Variants in RALYL observed in about 807,000 individuals in gnomAD.
RALYL encodes the protein RALY RNA binding protein like, also known as RNA-binding Raly-like protein.
In RALYL, 29 loss-of-function variants were observed where a neutral mutation model predicts 35.1. The observed-to-expected ratio is 0.83, with a 90% CI of 0.61 to 1.13. The LOEUF (loss-of-function observed/expected upper bound fraction) is 1.13. Ranked by LOEUF, RALYL falls within the 50% of genes most tolerant of loss-of-function variation. The pLI, the probability that RALYL is intolerant of heterozygous loss-of-function variation, is 0.00. For synonymous variants in RALYL, 120 were observed against 127.6 expected, an observed-to-expected ratio of 0.94 and a Z score of 0.40; for missense variants, 359 against 360.4, an observed-to-expected ratio of 1.00 and a Z score of 0.03.
intron 4 of RALYL, among the ~76,000 whole-genome samples, chr8:84,805,107 C>A (rs895796993): frequency 6.6e-6 from 1 of 152,132 alleles, no homozygotes; most frequent in Non-Finnish European, 1.5e-5. Flanking sequence ...TTTAAAAATT[C>A]CTCTGAGCCA....
At chr8:84,793,304 G>A (rs115880022) in intron 3 of RALYL, among the ~76,000 whole-genome samples, 3,746 of 152,244 alleles carry the variant, frequency 0.025, 64 homozygotes, top group Middle Eastern at 0.058. Flanking sequence ...TGACTGGGAG[G>A]AAGCAACTAG....
intron 3 of RALYL, among the ~76,000 whole-genome samples, chr8:84,791,507 C>G (rs1349084240): frequency 6.6e-6 from 1 of 152,132 alleles, no homozygotes. Context: ...AGGTTTTAAG[C>G]AGAAGAGTAC....
chr8:84,225,148 C>G (rs1049975050), intron 1 of RALYL, among the ~76,000 whole-genome samples: 1 of 152,156 alleles, frequency 6.6e-6, no homozygotes, highest in African/African-American at 2.4e-5. Context: ...TTGCCTTGCT[C>G]TTATTTTCTG....
intron 1 of RALYL, among the ~76,000 whole-genome samples, chr8:84,502,127 T>C (rs1399695970): frequency 3.9e-5 from 6 of 152,014 alleles, no homozygotes; most frequent in African/African-American, 1.2e-4. Flanking sequence ...GTTATATTTC[T>C]ATATGCTATT....
chr8:84,554,101 A>G (rs1366927219), intron 2 of RALYL, among the ~76,000 whole-genome samples: 1 of 152,198 alleles, frequency 6.6e-6, no homozygotes, highest in African/African-American at 2.4e-5. Context: ...TTCTTTTAGA[A>G]ACTTGATTGT....
At chr8:84,326,491 T>C (rs1408595024) in intron 1 of RALYL, among the ~76,000 whole-genome samples, 2 of 152,174 alleles carry the variant, frequency 1.3e-5, no homozygotes, top group African/African-American at 2.4e-5. Context: ...CTACAATGGG[T>C]AGACAGTTGA....
intron 1 of RALYL, among the ~76,000 whole-genome samples, chr8:84,339,023 C>G (rs1848311017): frequency 6.6e-6 from 1 of 151,956 alleles, no homozygotes; most frequent in East Asian, 1.9e-4. Context: ...CAAATACGAA[C>G]AAGTCACCAA....
chr8:84,350,858 C>T (rs1850753342), intron 1 of RALYL, among the ~76,000 whole-genome samples: 2 of 149,798 alleles, frequency 1.3e-5, no homozygotes, highest in African/African-American at 2.5e-5. Context: ...TTCTATGCTC[C>T]GAAGAGCTTT....
intron 4 of RALYL, among the ~76,000 whole-genome samples, chr8:84,838,785 C>T (rs758959753): frequency 1.3e-5 from 2 of 152,236 alleles, no homozygotes; most frequent in Middle Eastern, 6.8e-3. Flanking sequence ...TTTAAATTCC[C>T]AGAAGGCTTT....
rs559401538 is a variant in RALYL, at chr8:84,715,097, C to A, written c.257-59482C>A. 1.5e-3 allele frequency among the ~76,000 whole-genome samples: 223 copies of A among 151,882 alleles called. 1 individual carries two copies. Among genetic ancestry groups the A allele is most frequent in the African/African-American group, 5.1e-3 (211 of 41,484 alleles). On this transcript the variant is annotated intron_variant, in intron 2 of 8. Transcript: ENST00000521268. ...CTAAACTTACAATGTTTATTATAAG[C>A]ATTTGAATTCTAATTTTACATATTT... is the stretch of plus-strand genomic sequence containing the variant.
intron 7 of RALYL, among the ~76,000 whole-genome samples, chr8:84,887,352 C>G (rs1419698271): frequency 6.6e-6 from 1 of 152,148 alleles, no homozygotes; most frequent in Non-Finnish European, 1.5e-5. Context: ...AATTTATGTA[C>G]TACTACCATC....
At chr8:84,290,946 A>G (rs571409963) in intron 1 of RALYL, among the ~76,000 whole-genome samples, 1 of 146,920 alleles carries the variant, frequency 6.8e-6, no homozygotes, top group South Asian at 2.1e-4. Context: ...ATATCTTTCT[A>G]TAATACTTTT....
At chr8:84,859,089 G>C (rs969332845) in intron 5 of RALYL, among the ~76,000 whole-genome samples, 1 of 152,140 alleles carries the variant, frequency 6.6e-6, no homozygotes, top group Non-Finnish European at 1.5e-5. Flanking sequence ...CACAGGGTGG[G>C]AGCCAACCGA....
intron 3 of RALYL, among the ~76,000 whole-genome samples, chr8:84,786,043 A>G (rs1819374150): frequency 6.6e-6 from 1 of 152,116 alleles, no homozygotes; most frequent in Non-Finnish European, 1.5e-5. Flanking sequence ...ATGTGTTCTC[A>G]TTGTTCAGCT....
intron 2 of RALYL, among the ~76,000 whole-genome samples, chr8:84,576,824 T>C (rs1032844861): frequency 2.0e-5 from 3 of 152,214 alleles, no homozygotes; most frequent in Non-Finnish European, 4.4e-5. Context: ...CAAATACGTC[T>C]TACCTCCCTG....
chr8:84,270,833 A>G (rs1834168859), intron 1 of RALYL, among the ~76,000 whole-genome samples: 1 of 152,188 alleles, frequency 6.6e-6, no homozygotes, highest in Non-Finnish European at 1.5e-5. Flanking sequence ...GTTATAGTGA[A>G]TAGATGAACT....
At chr8:84,684,561 C>A (rs1836344132) in intron 2 of RALYL, among the ~76,000 whole-genome samples, 1 of 152,034 alleles carries the variant, frequency 6.6e-6, no homozygotes, top group South Asian at 2.1e-4. Flanking sequence ...TTTGTGTGGA[C>A]AAAAGCATTG....
At chr8:84,342,921 A>C (rs1036300715) in intron 1 of RALYL, among the ~76,000 whole-genome samples, 3 of 152,086 alleles carry the variant, frequency 2.0e-5, no homozygotes, top group Non-Finnish European at 4.4e-5. Flanking sequence ...AAAAGTCATA[A>C]TAGAATTATG....
chr8:84,812,127 C>T (rs962797995), intron 4 of RALYL, among the ~76,000 whole-genome samples: 5 of 152,060 alleles, frequency 3.3e-5, no homozygotes, highest in African/African-American at 9.7e-5. Context: ...TTTGGGTAGG[C>T]GCTGTCAGAG....
Sources: gnomAD v4.1 joint callset for allele counts (sites outside exome capture counted in the v4.1 genomes callset) on GRCh38, gnomAD v4.1.1 for gene constraint, MANE v1.5 for transcripts, NCBI Gene and HGNC (gene_info 2026-07-23, HGNC 2026-07-21) for gene names.